The following TNS1 variants were observed in gnomAD, a reference collection of about 807,000 sequenced individuals.
TNS1 encodes tensin-1.
TNS1 carries 62 observed loss-of-function variants against 168.6 expected under a neutral mutation model. That is an observed-to-expected ratio of 0.37 (90% CI 0.30 to 0.45). The LOEUF is 0.45. Ranked by LOEUF, TNS1 falls within the 20% of genes least tolerant of loss-of-function variation. TNS1 has a pLI of 1.00. For synonymous variants in TNS1, 934 were observed against 933.2 expected (o/e 1.00, Z -0.02); for missense variants, 2,240 against 2,339.4 (o/e 0.96, Z 0.88).
chr2:217,810,110 C>T (rs1015272224), intron 29 of TNS1, 119 bp from the exon 30 acceptor site: 24 of 1,434,742 alleles, frequency 1.7e-5, no homozygotes, highest in Non-Finnish European at 2.2e-5. Flanking sequence ...TGAGCCAAGG[C>T]ATCTGCACAT....
intron 2 of TNS1, among the ~76,000 whole-genome samples, chr2:217,979,549 A>ACACACACACACACACACACACACG: frequency 6.6e-6 from 1 of 151,970 alleles, no homozygotes; most frequent in African/African-American, 2.4e-5. Flanking sequence ...ACACACACAC[A>ACACACACACACACACACACACACG]CACAGGACTT....
intron 18 of TNS1, among the ~76,000 whole-genome samples, chr2:217,871,500 C>T (rs1489491484): frequency 6.6e-6 from 1 of 152,228 alleles, no homozygotes; most frequent in East Asian, 1.9e-4. Context: ...GGACTATTTC[C>T]CTGAGTTATC....
At chr2:218,005,310 G>T (rs1191887221), upstream of TNS1, among the ~76,000 whole-genome samples, 1 of 152,184 alleles carries the variant, frequency 6.6e-6, no homozygotes, top group Non-Finnish European at 1.5e-5. Context: ...CTCCTACACA[G>T]CCCGAGGAGG....
intron 3 of TNS1, among the ~76,000 whole-genome samples, chr2:217,969,682 C>T (rs1172644702): frequency 6.6e-6 from 1 of 152,162 alleles, no homozygotes; most frequent in Admixed American, 6.5e-5. Context: ...TGAAAAGACA[C>T]TCAACATCAT....
intron 3 of TNS1, among the ~76,000 whole-genome samples, chr2:217,920,563 A>ATTTTTTTTTTTTTTTT (rs35026780): frequency 7.4e-6 from 1 of 135,920 alleles, no homozygotes; most frequent in Non-Finnish European, 1.6e-5. Flanking sequence ...AAGAAGAAGG[A>ATTTTTTTTTTTTTTTT]TTTTTTTTTT....
chr2:217,872,911 G>A (rs919752022), intron 18 of TNS1, among the ~76,000 whole-genome samples: 2 of 152,102 alleles, frequency 1.3e-5, no homozygotes, highest in Admixed American at 6.5e-5. Context: ...TGAAACATTG[G>A]GTCAAGTAAA....
chr2:217,991,715 G>T (rs2126087263), intron 1 of TNS1, among the ~76,000 whole-genome samples: 1 of 152,062 alleles, frequency 6.6e-6, no homozygotes, highest in Non-Finnish European at 1.5e-5. Context: ...ACTGCTGATG[G>T]GCCTTCGCTT....
At chr2:217,886,203 A>C (rs1951188035) in intron 13 of TNS1, 99 bp from the exon 14 acceptor site, 1 of 1,307,782 alleles carries the variant, frequency 7.6e-7, no homozygotes, top group African/African-American at 1.5e-5. Flanking sequence ...GGAAGGAAGA[A>C]ATGGGGGAAG....
At chr2:217,877,502 A>T (rs896362226) in intron 18 of TNS1, among the ~76,000 whole-genome samples, 5 of 152,178 alleles carry the variant, frequency 3.3e-5, no homozygotes, top group African/African-American at 1.2e-4. Context: ...GAGGGCCCAT[A>T]CTTCGGGGTT....
At position 217,964,092 on chromosome 2, in the gene TNS1, G is replaced by A. The variant is rs751849117; in HGVS notation, c.186+14673C>T. ...AACATTCAAATTGTCTTCCCTGGAG[G>A]TTCGGGAGGCCTCAGTAAAGCAAAA... On this transcript the variant is annotated intron_variant, in intron 3 of 32. Transcript: ENST00000682258. Among the ~76,000 whole-genome samples the A allele has an allele frequency of 2.6e-4, 40 of 152,244 alleles. No homozygotes were observed. The South Asian group carries it at 3.3e-3, about 13-fold the overall frequency.
chr2:218,015,788 C>T (rs1435857175), intron 1 of TNS1, among the ~76,000 whole-genome samples: 2 of 152,062 alleles, frequency 1.3e-5, no homozygotes, highest in African/African-American at 4.8e-5. Flanking sequence ...TGGTGGGTAT[C>T]GATCCATGGG....
intron 3 of TNS1, among the ~76,000 whole-genome samples, chr2:217,958,691 G>C (rs1381642685): frequency 6.6e-6 from 1 of 152,216 alleles, no homozygotes; most frequent in African/African-American, 2.4e-5. Context: ...AGAGCCGGAT[G>C]TTGAACTCAC....
rs1230775756 is a variant in TNS1, at chr2:217,880,613, C to T, written c.1429+285G>A. ...ATCCCTCCCTGCCAATCCCAGAGAA[C>T]TCACTGTCCACGGAACTTACTTGGC... is the stretch of plus-strand genomic sequence containing the variant. On this transcript the variant is annotated intron_variant, in intron 18 of 32. Transcript: ENST00000682258. The surrounding 1 kb of genome is among the most constrained non-coding windows in gnomAD (Gnocchi z 4.2). Among the ~76,000 whole-genome samples, 1 of 152,246 alleles carries T rather than the reference C, an allele frequency of 6.6e-6. No individual in the cohort carries two copies. Among genetic ancestry groups the T allele is most frequent in the Non-Finnish European group, 1.5e-5 (1 of 68,048 alleles).
At chr2:217,829,301 C>T (rs538059570) in intron 22 of TNS1, among the ~76,000 whole-genome samples, 10 of 152,008 alleles carry the variant, frequency 6.6e-5, no homozygotes, top group Non-Finnish European at 1.3e-4. Context: ...AGGAGAATTG[C>T]TTGAACCTGG....
chr2:217,829,743 A>G, intron 22 of TNS1: 1 of 1,399,982 alleles, frequency 7.1e-7, no homozygotes, highest in Non-Finnish European at 1.0e-6. Flanking sequence ...CCTGAGTCCC[A>G]GTGAGGAAAG....
intron 3 of TNS1, among the ~76,000 whole-genome samples, chr2:217,954,845 C>T (rs751942315): frequency 6.6e-6 from 1 of 152,202 alleles, no homozygotes; most frequent in African/African-American, 2.4e-5. Context: ...TGCCCACACA[C>T]TCTCATGAGT....
intron 18 of TNS1, among the ~76,000 whole-genome samples, chr2:217,852,781 C>T (rs1421645022): frequency 6.6e-6 from 1 of 152,226 alleles, no homozygotes; most frequent in Non-Finnish European, 1.5e-5. Flanking sequence ...CATAGCCAAG[C>T]CACTAAGGCA....
Position 217,885,825 on chromosome 2 carries a change from G to A in TNS1, c.1041-6C>T. ...GGCTGTCTCCTGGGATGTTGCTAAG[G>A]GAGAGAGGTGGGCAGAAAAAGAGTG... On this transcript the variant is annotated splice_polypyrimidine_tract_variant and splice_region_variant and intron_variant, in intron 14 of 32. Transcript: ENST00000682258. 4.3e-6 allele frequency: 7 copies of A among 1,614,104 alleles called. No individual in the cohort carries two copies. The highest frequency in any genetic ancestry group is 5.9e-6 in the Non-Finnish European group (7 of 1,179,998).
Position 217,817,916 on chromosome 2 carries a change from G to A in TNS1, c.4416C>T (p.Thr1472=), listed in dbSNP as rs555472636. Residue 1472 remains threonine (T), a synonymous_variant, in exon 24 of 33, where the codon ACC becomes ACT. Coordinates refer to ENST00000682258, the MANE Select transcript of TNS1 (RefSeq NM_001387777.1). ...AYYPGLSSPA[T]SPSPDSAAFR... ...AGGCTGCGGAGTCTGGTGACGGGGA[G>A]GTGGCAGGGCTGCTCAGGCCAGGGT... The A allele has an allele frequency of 6.2e-7, 1 of 1,613,806 alleles. No individual in the cohort carries two copies. Among genetic ancestry groups the A allele is most frequent in the African/African-American group, 1.3e-5 (1 of 75,072 alleles).
Sources: gnomAD v4.1 joint callset for allele counts (sites outside exome capture counted in the v4.1 genomes callset) on GRCh38, gnomAD v4.1.1 for gene constraint, Gnocchi (gnomAD v3.1) non-coding constraint, MANE v1.5 for transcripts, NCBI Gene and HGNC (gene_info 2026-07-23, HGNC 2026-07-21) for gene names.